The following SEC14L2 variants were observed in gnomAD, a reference collection of about 807,000 sequenced individuals.
The protein encoded by SEC14L2 is SEC14 like lipid binding 2.
A neutral mutation model predicts 56.9 loss-of-function variants in SEC14L2; 50 were observed. That is an observed-to-expected ratio of 0.88 (90% CI 0.70 to 1.11). The LOEUF is 1.11. Among genes scored for constraint, SEC14L2 ranks in the 50% most tolerant of loss-of-function variants. The pLI, the probability that SEC14L2 is intolerant of heterozygous loss-of-function variation, is 0.00. For missense variants in SEC14L2, 414 were observed against 500.7 expected, an observed-to-expected ratio of 0.83 and a Z score of 1.65; for synonymous variants, 179 against 188.5, an observed-to-expected ratio of 0.95 and a Z score of 0.41.
intron 7 of SEC14L2, among the ~76,000 whole-genome samples, chr22:30,409,783 C>T (rs1244367559): frequency 6.6e-6 from 1 of 152,140 alleles, no homozygotes; most frequent in Non-Finnish European, 1.5e-5. Flanking sequence ...GCCTGTAGTT[C>T]CAGTTTCTCA....
In SEC14L2 at chr22:30,407,164, A is replaced by G. The variant is rs1389287922; in HGVS notation, c.234+10A>G. The G allele has an allele frequency of 6.2e-6, 10 of 1,613,854 alleles. No individual in the cohort carries two copies. The East Asian group carries it at 6.7e-5, about 11-fold the overall frequency. On this transcript the variant is annotated intron_variant, in intron 4 of 11. Coordinates refer to ENST00000615189, the MANE Select transcript of SEC14L2 (RefSeq NM_012429.5). ...CTGGCAGCCTCCAGAGGTGAGCACA[A>G]ATTATCCCACCTCATCCCTATGCTA...
chr22:30,413,990 C>A (rs1934322181), intron 8 of SEC14L2, among the ~76,000 whole-genome samples: 1 of 152,024 alleles, frequency 6.6e-6, no homozygotes, highest in South Asian at 2.1e-4. Flanking sequence ...AGCCAGCACA[C>A]CCACCTAAAT....
Position 30,425,089 on chromosome 22 carries a change from ATCTG to A in SEC14L2, c.*2683_*2686del. On this transcript the variant is annotated 3_prime_UTR_variant, in exon 12 of 12. Coordinates refer to ENST00000615189, the MANE Select transcript of SEC14L2 (RefSeq NM_012429.5). ...TTAGAGCTCGCATTAAGAGCACGGG[ATCTG>A]GATCCACACTGTTTGGATTCAAATC... 3.7e-6 allele frequency: 1 copy of A among 269,172 alleles called. No homozygotes were observed. Among genetic ancestry groups the A allele is most frequent in the Admixed American group, 4.8e-5 (1 of 20,862 alleles). The allele number at this position is 269,172 out of a possible 1,614,324, so 16.7% of individuals were successfully genotyped here.
At chr22:30,399,742 G>A (rs1157856277) in intron 2 of SEC14L2, 24 bp downstream of exon 2, 1 of 1,603,584 alleles carries the variant, frequency 6.2e-7, no homozygotes, top group Non-Finnish European at 8.5e-7. Flanking sequence ...GGCTGCGGGA[G>A]GCTGGGGCAG....
intron 1 of SEC14L2, among the ~76,000 whole-genome samples, chr22:30,399,321 C>A (rs1933851534): frequency 6.6e-6 from 1 of 151,904 alleles, no homozygotes; most frequent in Non-Finnish European, 1.5e-5. Context: ...TCAAGACTAC[C>A]CTGGCTAACA....
chr22:30,401,184 G>GTGAT (rs1370556255), intron 2 of SEC14L2, among the ~76,000 whole-genome samples: 19 of 137,720 alleles, frequency 1.4e-4, no homozygotes, highest in South Asian at 7.6e-4. Context: ...CTGGTCTCAA[G>GTGAT]TGATTTATTT....
In SEC14L2 at chr22:30,410,825, A is replaced by G; in HGVS notation, c.664+146A>G. The stretch of plus-strand genomic sequence containing the variant: ...GGGACCCAGGAGCAAGCTGGGGTGG[A>G]GCTAGTGCCTTCTTCTGTTTTCCTA... On this transcript the variant is annotated intron_variant, in intron 8 of 11. Transcript: ENST00000615189. 4.4e-6 allele frequency: 3 copies of G among 680,892 alleles called. No homozygotes were observed. In the Admixed American group the frequency reaches 7.6e-5, roughly 17 times the overall value. 42.2% of individuals were successfully genotyped at this position (680,892 alleles called of 1,614,324 possible).
At chr22:30,418,880 C>T (rs955493357) in intron 11 of SEC14L2, among the ~76,000 whole-genome samples, 2 of 152,246 alleles carry the variant, frequency 1.3e-5, no homozygotes, top group African/African-American at 4.8e-5. Context: ...TGCCAGCCTC[C>T]AATGGCAAGA....
intron 1 of SEC14L2, chr22:30,398,885 C>T (rs754592679): frequency 1.1e-5 from 5 of 448,282 alleles, no homozygotes; most frequent in African/African-American, 2.0e-5. Context: ...CCTCTCTGAG[C>T]TTTAATTCCT....
At position 30,409,452 on chromosome 22, in the gene SEC14L2, T is replaced by G. The variant is rs1395303261; in HGVS notation, c.546T>G (p.Tyr182Ter). The G allele has an allele frequency of 2.5e-6, 4 of 1,614,084 alleles. No homozygotes were observed. The highest frequency in any genetic ancestry group is 3.4e-6 in the Non-Finnish European group (4 of 1,180,030). The change falls in exon 7 of 12, where the codon TAT becomes TAG. Residue 182 changes from tyrosine (Y) to a stop codon, truncating the protein, a stop_gained. Coordinates refer to ENST00000615189, the MANE Select transcript of SEC14L2 (RefSeq NM_012429.5). LOFTEE classifies it high-confidence loss of function. ...TTCTCTGCATGTTTGAGGAAAATTA[T>G]CCCGAAACACTGAAGCGTCTTTTTG... ...GEFLCMFEEN[Y>*]PETLKRLFVV...
chr22:30,419,957 C>CTT (rs762892426), intron 11 of SEC14L2, among the ~76,000 whole-genome samples: 52 of 137,136 alleles, frequency 3.8e-4, no homozygotes, highest in Non-Finnish European at 1.7e-4. Context: ...CTTTTCTTTT[C>CTT]TTTTTTTTTT....
intron 8 of SEC14L2, among the ~76,000 whole-genome samples, chr22:30,411,898 G>A (rs1208055421): frequency 6.6e-6 from 1 of 152,180 alleles, no homozygotes; most frequent in Non-Finnish European, 1.5e-5. Context: ...CTCCACCTGA[G>A]CTAGGAAGGG....
chr22:30,416,624 C>A, intron 11 of SEC14L2: 1 of 1,456,392 alleles, frequency 6.9e-7, no homozygotes, highest in Admixed American at 2.4e-5. Context: ...ATCTCATACT[C>A]CTAGGTATGG....
intron 2 of SEC14L2, 45 bp from the exon 3 acceptor site, chr22:30,406,297 A>G: frequency 6.2e-7 from 1 of 1,606,342 alleles, no homozygotes; most frequent in Non-Finnish European, 8.5e-7. Context: ...TTGGACACCC[A>G]GTCCTGCTAA....
intron 11 of SEC14L2, chr22:30,420,687 C>A (rs1332613923): frequency 6.6e-6 from 1 of 152,070 alleles, no homozygotes; most frequent in East Asian, 1.9e-4. Context: ...TACCCTTTGT[C>A]TAAACTATGC....
rs149989704 is a variant in SEC14L2 at position 30,420,232 on chromosome 22, C to T, written c.1082-2045C>T. Among the ~76,000 whole-genome samples the T allele has an allele frequency of 8.9e-4, 136 of 152,300 alleles. 3 individuals are homozygous for T. The East Asian group carries it at 0.022, about 25-fold the overall frequency. ...CCTCCCAAAGTGCTGGGATTACAGG[C>T]GTGAGCCACCACGCCCAGCCAAATT... On this transcript the variant is annotated intron_variant, in intron 11 of 11. Transcript: ENST00000615189.
intron 8 of SEC14L2, among the ~76,000 whole-genome samples, chr22:30,412,370 CCT>C (rs1491230832): frequency 2.7e-5 from 4 of 149,724 alleles, no homozygotes; most frequent in African/African-American, 4.9e-5. Context: ...CAAGGGACCC[CCT>C]TTTTTTTTTT....
rs1223044507 is a variant in SEC14L2 at position 30,422,679 on chromosome 22, C to G, written c.*272C>G. 1.2e-5 allele frequency: 4 copies of G among 321,194 alleles called. No homozygotes were observed. Among genetic ancestry groups the G allele is most frequent in the Non-Finnish European group, 1.1e-5 (2 of 174,560 alleles). 19.9% of individuals were successfully genotyped at this position (321,194 alleles called of 1,614,324 possible). A position where few individuals can be genotyped will look rare whatever the true frequency, so the allele number is the denominator to read the frequency against. Reference sequence around the variant, plus strand: ...GCCAACTTCACCTGTCCAGGGACAGCGAAGCTGGGGGTGGCGGGGGGCATG... The same window carrying G: ...GCCAACTTCACCTGTCCAGGGACAGGGAAGCTGGGGGTGGCGGGGGGCATG... On this transcript the variant is annotated 3_prime_UTR_variant, in exon 12 of 12. Coordinates refer to ENST00000615189, the MANE Select transcript of SEC14L2 (RefSeq NM_012429.5).
intron 2 of SEC14L2, 59 bp downstream of exon 2, chr22:30,399,777 G>A: frequency 6.8e-7 from 1 of 1,476,980 alleles, no homozygotes; most frequent in Non-Finnish European, 9.3e-7. Context: ...CAACAGAATA[G>A]CACCCTCTGA....
Sources: allele counts gnomAD v4.1 joint callset (sites outside exome capture counted in the v4.1 genomes callset), GRCh38; gene constraint gnomAD v4.1.1; transcripts MANE v1.5; gene names NCBI Gene and HGNC (gene_info 2026-07-23, HGNC 2026-07-21).